CDH8: variants seen among roughly 807,000 people sequenced by gnomAD.
The protein encoded by CDH8 is cadherin-8.
In CDH8, 17 loss-of-function variants were observed where a neutral mutation model predicts 68.1. The observed-to-expected ratio is 0.25, with a 90% CI of 0.17 to 0.37. CDH8 has a LOEUF of 0.37. Among genes scored for constraint, CDH8 ranks in the 10% least tolerant of loss-of-function variants. The pLI is 1.00. For missense variants in CDH8, 763 were observed against 999.3 expected (o/e 0.76, Z 3.19); for synonymous variants, 372 against 365.1 (o/e 1.02, Z -0.21).
chr16:61,996,803 A>C (rs1011163107), intron 2 of CDH8, among the ~76,000 whole-genome samples: 2 of 151,432 alleles, frequency 1.3e-5, no homozygotes, highest in African/African-American at 4.9e-5. Flanking sequence ...CTGGTCTCGA[A>C]CTCCCGGGCT....
intron 3 of CDH8, among the ~76,000 whole-genome samples, chr16:61,875,975 C>G (rs1034255258): frequency 6.6e-6 from 1 of 152,156 alleles, no homozygotes; most frequent in African/African-American, 2.4e-5. Context: ...CTCCCATGTT[C>G]AAGCAATTCT....
At chr16:61,802,188 A>AC (rs1253493542) in intron 7 of CDH8, among the ~76,000 whole-genome samples, 7 of 102,056 alleles carry the variant, frequency 6.9e-5, no homozygotes, top group African/African-American at 2.7e-4. Context: ...ACTGGGAGGC[A>AC]CCCCCCAGCA....
At chr16:61,917,562 C>G (rs1443566772) in intron 2 of CDH8, among the ~76,000 whole-genome samples, 1 of 152,132 alleles carries the variant, frequency 6.6e-6, no homozygotes, top group Non-Finnish European at 1.5e-5. Flanking sequence ...CATTACTGAG[C>G]CTTGGAGATA....
At chr16:61,802,718 G>A (rs1961685955) in intron 7 of CDH8, among the ~76,000 whole-genome samples, 6 of 129,984 alleles carry the variant, frequency 4.6e-5, no homozygotes, top group Admixed American at 8.0e-5. Flanking sequence ...GGGTATCAGC[G>A]ATGGAAGATG....
chr16:61,759,652 A>G (rs1411813731), intron 8 of CDH8, among the ~76,000 whole-genome samples: 1 of 152,146 alleles, frequency 6.6e-6, no homozygotes, highest in Non-Finnish European at 1.5e-5. Flanking sequence ...AATGCTGTCT[A>G]CAGAAATTAT....
Position 61,901,187 on chromosome 16 carries a change from G to T in CDH8, c.539C>A (p.Ser180Tyr), listed in dbSNP as rs531583303. The stretch of plus-strand genomic sequence containing the variant: ...ATTGGAAGCATACATACCCAAAATG[G>T]ACATTTCTGGCACAGTAGCATGATA... ...GPYHATVPEM[S>Y]ILGTSVTNVT... The change falls in exon 3 of 12, where the codon TCC becomes TAC. Residue 180 changes from serine to tyrosine, a missense_variant. By Grantham distance (144) the Ser-to-Tyr change is moderately radical. Coordinates refer to ENST00000577390, the MANE Select transcript of CDH8 (RefSeq NM_001796.5). 1 of 1,612,678 alleles carries T rather than the reference G, an allele frequency of 6.2e-7. No individual in the cohort carries two copies.
intron 8 of CDH8, among the ~76,000 whole-genome samples, chr16:61,777,946 T>C (rs1960942832): frequency 1.3e-5 from 2 of 152,098 alleles, no homozygotes; most frequent in Admixed American, 1.3e-4. Context: ...TCACTGTATT[T>C]CTCTTTGCTA....
At chr16:61,865,804 A>C (rs778557826) in intron 3 of CDH8, among the ~76,000 whole-genome samples, 32 of 152,210 alleles carry the variant, frequency 2.1e-4, no homozygotes, top group Non-Finnish European at 4.4e-5. Flanking sequence ...AATCCTGTAA[A>C]TGCTTGAGAA....
At chr16:61,720,703 T>C (rs79660432) in intron 9 of CDH8, among the ~76,000 whole-genome samples, 4,813 of 150,904 alleles carry the variant, frequency 0.032, 353 homozygotes, top group East Asian at 0.24. Flanking sequence ...AGTATGGATC[T>C]TTCTTTCACC....
At chr16:61,824,092 G>T (rs959905838) in intron 5 of CDH8, among the ~76,000 whole-genome samples, 17 of 151,864 alleles carry the variant, frequency 1.1e-4, no homozygotes, top group African/African-American at 3.1e-4. Context: ...ATATTATTCA[G>T]CCTTTAAAAA....
chr16:61,737,176 A>C (rs1959720712), intron 8 of CDH8, among the ~76,000 whole-genome samples: 2 of 152,168 alleles, frequency 1.3e-5, no homozygotes, highest in Non-Finnish European at 2.9e-5. Context: ...ATTTGCTTTT[A>C]ACTGGTTTCC....
chr16:62,010,629 G>C (rs1214682779), intron 2 of CDH8, among the ~76,000 whole-genome samples: 1 of 152,104 alleles, frequency 6.6e-6, no homozygotes, highest in Non-Finnish European at 1.5e-5. Context: ...ATTTTATTCA[G>C]GTTACTTAAA....
intron 2 of CDH8, among the ~76,000 whole-genome samples, chr16:62,008,302 T>C (rs1183588642): frequency 6.6e-6 from 1 of 152,192 alleles, no homozygotes; most frequent in Non-Finnish European, 1.5e-5. Flanking sequence ...GATTTATGTC[T>C]CACCCTCTAT....
At chr16:61,969,630 G>T (rs1257656879) in intron 2 of CDH8, among the ~76,000 whole-genome samples, 5 of 152,144 alleles carry the variant, frequency 3.3e-5, no homozygotes, top group Admixed American at 2.0e-4. Flanking sequence ...ATTTAACAAA[G>T]ATTTACTGAC....
At chr16:61,960,947 T>C (rs538057017) in intron 2 of CDH8, among the ~76,000 whole-genome samples, 1 of 152,292 alleles carries the variant, frequency 6.6e-6, no homozygotes, top group South Asian at 2.1e-4. Flanking sequence ...GCATCTCAGA[T>C]GGGCTCCCTG....
chr16:61,901,693 T>C (rs1963976435), intron 2 of CDH8, among the ~76,000 whole-genome samples: 1 of 152,204 alleles, frequency 6.6e-6, no homozygotes, highest in Non-Finnish European at 1.5e-5. Flanking sequence ...AAAAGTACTC[T>C]GGCCTGTTTA....
In CDH8 at chr16:61,817,632, G is replaced by A. The variant is rs1404255882; in HGVS notation, c.1124C>T (p.Thr375Met). The change falls in exon 7 of 12, where the codon ACG becomes ATG. Residue 375 changes from threonine (T) to methionine (M), a missense_variant. Coordinates refer to ENST00000577390, the MANE Select transcript of CDH8 (RefSeq NM_001796.5). ...RFSGRGPFKD[T>M]ATVKIVVEDA... ...TTCAACCACGATTTTGACTGTCGCCGTGTCTTTAAAGGGCCCCCTGCCACT... is the reference window on the plus strand; with the variant it reads ...TTCAACCACGATTTTGACTGTCGCCATGTCTTTAAAGGGCCCCCTGCCACT... 27 of 1,613,736 alleles carry A rather than the reference G, an allele frequency of 1.7e-5. No individual in the cohort carries two copies. Among genetic ancestry groups the A allele is most frequent in the South Asian group, 2.2e-5 (2 of 91,072 alleles).
intron 2 of CDH8, among the ~76,000 whole-genome samples, chr16:61,971,186 G>A (rs1965335176): frequency 6.6e-6 from 1 of 151,998 alleles, no homozygotes; most frequent in African/African-American, 2.4e-5. Context: ...CTCTCTTTTT[G>A]GACTCAGCCC....
chr16:61,800,069 C>T (rs372662623), intron 7 of CDH8, among the ~76,000 whole-genome samples: 3 of 152,170 alleles, frequency 2.0e-5, no homozygotes, highest in Non-Finnish European at 4.4e-5. Flanking sequence ...CCACCACGCC[C>T]GGCTATTTCT....
Sources: allele counts gnomAD v4.1 joint callset (sites outside exome capture counted in the v4.1 genomes callset), GRCh38; gene constraint gnomAD v4.1.1; transcripts MANE v1.5; gene names NCBI Gene and HGNC (gene_info 2026-07-23, HGNC 2026-07-21).